Variants in CDH13 observed in about 807,000 individuals in gnomAD.
CDH13 encodes cadherin-13.
A neutral mutation model predicts 63.8 loss-of-function variants in CDH13; 24 were observed. That is an observed-to-expected ratio of 0.38 (90% CI 0.27 to 0.53). CDH13 has a LOEUF of 0.53. Among genes scored for constraint, CDH13 ranks in the 20% least tolerant of loss-of-function variants. The pLI is 0.85. For missense variants in CDH13, 1,049 were observed against 903.1 expected (o/e 1.16, Z -2.07); for synonymous variants, 503 against 355.3 (o/e 1.42, Z -4.67).
chr16:82,748,798 G>C (rs2034289696), intron 1 of CDH13, among the ~76,000 whole-genome samples: 1 of 152,124 alleles, frequency 6.6e-6, no homozygotes, highest in Admixed American at 6.5e-5. Context: ...TTGGCCTTCT[G>C]CTATGTTTCT....
chr16:83,796,183 G>T lies in CDH13; in HGVS notation c.*1153G>T, dbSNP rs1010871644. ...TGTATTCTGTGAGCATGTAAAAGCG[G>T]AAAGTTAGTGCTTGTTCTAAGATTA... On this transcript the variant is annotated 3_prime_UTR_variant, in exon 14 of 14. Coordinates refer to ENST00000567109, the MANE Select transcript of CDH13 (RefSeq NM_001257.5). 1.3e-5 allele frequency: 2 copies of T among 152,400 alleles called. No homozygotes were observed. The allele number at this position is 152,400 out of a possible 1,614,324, so 9.4% of individuals were successfully genotyped here.
At chr16:82,754,873 A>T (rs2034554739) in intron 1 of CDH13, among the ~76,000 whole-genome samples, 6 of 152,236 alleles carry the variant, frequency 3.9e-5, no homozygotes, top group African/African-American at 1.4e-4. Context: ...ATGAGCCAAG[A>T]GTGCATAGAA....
intron 1 of CDH13, among the ~76,000 whole-genome samples, chr16:82,806,437 C>T (rs188468505): frequency 2.1e-4 from 32 of 152,244 alleles, no homozygotes; most frequent in African/African-American, 7.7e-4. Flanking sequence ...TGGGTTCTTA[C>T]AAAACAAAAC....
rs2091026030 is a variant in CDH13, at chr16:83,355,042, G to T, written c.781+10036G>T. On this transcript the variant is annotated intron_variant, in intron 6 of 13. Transcript: ENST00000567109. ...CCTGGCTTAGAACTCCATACATTTT[G>T]ATTACATTTTAAACTTAGTAGGAAG... Among the ~76,000 whole-genome samples, 5 of 152,250 alleles carry T rather than the reference G, an allele frequency of 3.3e-5. No individual in the cohort carries two copies. The South Asian group carries it at 1.0e-3, about 32-fold the overall frequency.
intron 1 of CDH13, among the ~76,000 whole-genome samples, chr16:82,755,109 C>A (rs150121482): frequency 6.6e-6 from 1 of 152,302 alleles, no homozygotes; most frequent in East Asian, 1.9e-4. Context: ...CATGGGTCGA[C>A]CTGATAAAAT....
chr16:83,432,345 C>G (rs556027198), intron 6 of CDH13, among the ~76,000 whole-genome samples: 3 of 152,174 alleles, frequency 2.0e-5, no homozygotes, highest in Non-Finnish European at 4.4e-5. Context: ...CCATGTCATC[C>G]TATAATCTAC....
At chr16:82,744,239 C>T (rs576019272) in intron 1 of CDH13, among the ~76,000 whole-genome samples, 67 of 152,250 alleles carry the variant, frequency 4.4e-4, no homozygotes, top group South Asian at 3.3e-3. Context: ...AAGTCCAAAG[C>T]GAAGCAAGAG....
chr16:82,969,652 A>C (rs1697010240), intron 2 of CDH13, among the ~76,000 whole-genome samples: 1 of 152,080 alleles, frequency 6.6e-6, no homozygotes, highest in Admixed American at 6.5e-5. Context: ...GCCTCTACAC[A>C]CTGGATACCA....
At chr16:83,526,805 C>T (rs748399018) in intron 7 of CDH13, among the ~76,000 whole-genome samples, 1 of 152,132 alleles carries the variant, frequency 6.6e-6, no homozygotes, top group African/African-American at 2.4e-5. Context: ...GCTGGCAATC[C>T]CAGTAATTGT....
chr16:83,273,274 G>T (rs1257993906), intron 5 of CDH13, among the ~76,000 whole-genome samples: 4 of 151,994 alleles, frequency 2.6e-5, no homozygotes, highest in Non-Finnish European at 2.9e-5. Context: ...AGACGATTTT[G>T]TCATCCACGT....
At position 82,943,747 on chromosome 16, in the gene CDH13, G is replaced by C. The variant is rs180921143; in HGVS notation, c.157+85274G>C. ...TATCAATTGAGATAGAATTTGGACTGCTGCAATCAATTACACAGATGTCTC... is the reference window on the plus strand; with the variant it reads ...TATCAATTGAGATAGAATTTGGACTCCTGCAATCAATTACACAGATGTCTC... On this transcript the variant is annotated intron_variant, in intron 2 of 13. Transcript: ENST00000567109. Among the ~76,000 whole-genome samples, 22 of 152,330 alleles carry C rather than the reference G, an allele frequency of 1.4e-4. No homozygotes were observed. The East Asian group carries it at 3.5e-3, about 24-fold the overall frequency.
chr16:83,346,777 G>T (rs921319729), intron 6 of CDH13, among the ~76,000 whole-genome samples: 3 of 152,064 alleles, frequency 2.0e-5, no homozygotes, highest in African/African-American at 7.2e-5. Context: ...GTTATTTTGT[G>T]TATTTTTTAT....
chr16:82,921,372 A>C (rs182943008), intron 2 of CDH13, among the ~76,000 whole-genome samples: 1 of 152,254 alleles, frequency 6.6e-6, no homozygotes, highest in Non-Finnish European at 1.5e-5. Context: ...CCTCAAGGCC[A>C]CTATCTTCAA....
rs1292396476 is a variant in CDH13 at position 82,685,222 on chromosome 16, A to G, written c.45+58085A>G. On this transcript the variant is annotated intron_variant, in intron 1 of 13. Coordinates refer to ENST00000567109, the MANE Select transcript of CDH13 (RefSeq NM_001257.5). ...GGTGGCTTAAAAACAATGAATGCTC[A>G]TTTCACAGTTCTGGAGGCTGGGATG... Among the ~76,000 whole-genome samples, 5 of 152,210 alleles carry G rather than the reference A, an allele frequency of 3.3e-5. No individual in the cohort carries two copies. The East Asian group carries it at 9.6e-4, about 29-fold the overall frequency.
chr16:83,324,798 C>T (rs1368637363), intron 5 of CDH13, among the ~76,000 whole-genome samples: 2 of 152,210 alleles, frequency 1.3e-5, no homozygotes, highest in Non-Finnish European at 2.9e-5. Context: ...CATATGCTCA[C>T]TCTAGGCTGA....
chr16:82,688,099 G>C (rs188311314), intron 1 of CDH13, among the ~76,000 whole-genome samples: 14 of 152,262 alleles, frequency 9.2e-5, no homozygotes, highest in Non-Finnish European at 1.8e-4. Flanking sequence ...GTGAAGCTGG[G>C]TTACTGGGGT....
At position 82,907,971 on chromosome 16, in the gene CDH13, T is replaced by C. The variant is rs544204514; in HGVS notation, c.157+49498T>C. ...CACTTCCCTACTGTCTTAAATATAC[T>C]GGTGCTTCTGCCCTAAGACCTTTCA... On this transcript the variant is annotated intron_variant, in intron 2 of 13. Transcript: ENST00000567109. Among the ~76,000 whole-genome samples the C allele has an allele frequency of 5.3e-5, 8 of 152,352 alleles. No individual in the cohort carries two copies. In the South Asian group the frequency reaches 1.2e-3, roughly 24 times the overall value.
intron 5 of CDH13, among the ~76,000 whole-genome samples, chr16:83,256,935 T>C (rs1906367848): frequency 6.6e-6 from 1 of 151,972 alleles, no homozygotes; most frequent in South Asian, 2.1e-4. Context: ...ATATTAGAAT[T>C]TGTTGCTCGC....
At chr16:83,413,372 T>C (rs1453790744) in intron 6 of CDH13, among the ~76,000 whole-genome samples, 1 of 152,142 alleles carries the variant, frequency 6.6e-6, no homozygotes, top group African/African-American at 2.4e-5. Context: ...AAAACAGAAT[T>C]TTTCCCCAAT....
Sources: gnomAD v4.1 joint callset for allele counts (sites outside exome capture counted in the v4.1 genomes callset) on GRCh38, gnomAD v4.1.1 for gene constraint, MANE v1.5 for transcripts, NCBI Gene and HGNC (gene_info 2026-07-23, HGNC 2026-07-21) for gene names.